Variants in ANKRD44 observed in about 807,000 individuals in gnomAD.
ANKRD44 encodes ankyrin repeat domain 44, also known as serine/threonine-protein phosphatase 6 regulatory ankyrin repeat subunit B.
Under a neutral mutation model 116.0 loss-of-function variants are expected in ANKRD44, and 35 were observed. The ratio of observed to expected loss-of-function variants is 0.30; its 90% CI spans 0.23 to 0.40. The LOEUF (loss-of-function observed/expected upper bound fraction) is 0.40, where lower values mean the gene tolerates loss of function less well. Among genes scored for constraint, ANKRD44 ranks in the 10% least tolerant of loss-of-function variants. The pLI is 1.00. For missense variants in ANKRD44, 1,014 were observed against 1,242.6 expected, an observed-to-expected ratio of 0.82 and a Z score of 2.77; for synonymous variants, 435 against 461.8, an observed-to-expected ratio of 0.94 and a Z score of 0.74.
At chr2:197,090,178 T>C in intron 10 of ANKRD44, 146 bp from the exon 11 acceptor site, 1 of 608,720 alleles carries the variant, frequency 1.6e-6, no homozygotes, top group Non-Finnish European at 2.9e-6. Flanking sequence ...ATTCTTCCAT[T>C]CAATAAATAA....
intron 16 of ANKRD44, among the ~76,000 whole-genome samples, chr2:197,054,962 T>C (rs1254518647): frequency 6.6e-6 from 1 of 152,202 alleles, no homozygotes; most frequent in African/African-American, 2.4e-5. Flanking sequence ...CACTGGCCTG[T>C]AGCTGCTCAA....
intron 3 of ANKRD44, among the ~76,000 whole-genome samples, chr2:197,138,542 T>C (rs970574840): frequency 6.6e-6 from 1 of 152,276 alleles, no homozygotes; most frequent in Non-Finnish European, 1.5e-5. Context: ...TGTCAGGTGA[T>C]GGTCACAAAG....
chr2:197,151,186 C>G (rs2079640608), intron 2 of ANKRD44, among the ~76,000 whole-genome samples: 1 of 143,886 alleles, frequency 6.9e-6, no homozygotes, highest in African/African-American at 2.6e-5. Flanking sequence ...GAAGAAGAAA[C>G]AAAACCTAGC....
At chr2:197,130,155 C>A (rs1056583370) in intron 4 of ANKRD44, among the ~76,000 whole-genome samples, 1 of 152,176 alleles carries the variant, frequency 6.6e-6, no homozygotes, top group Non-Finnish European at 1.5e-5. Flanking sequence ...GTAATCATAG[C>A]AATTTCATAT....
chr2:197,226,439 G>A (rs2081716280), intron 1 of ANKRD44, among the ~76,000 whole-genome samples: 1 of 152,166 alleles, frequency 6.6e-6, no homozygotes, highest in African/African-American at 2.4e-5. Context: ...ACTGAGGCGG[G>A]TGGATCATGA....
chr2:197,182,058 G>A (rs1456019024), intron 2 of ANKRD44, among the ~76,000 whole-genome samples: 1 of 152,070 alleles, frequency 6.6e-6, no homozygotes, highest in Non-Finnish European at 1.5e-5. Context: ...ACATCACATT[G>A]TCATAACATA....
rs547028406 is a variant in ANKRD44 at position 196,990,686 on chromosome 2, C to A, written c.2924-1037G>T. On this transcript the variant is annotated intron_variant, in intron 27 of 27. Transcript: ENST00000282272. The stretch of plus-strand genomic sequence containing the variant: ...AAGCTTCTACAGTCCAAAGTCAAAA[C>A]GTTTCCGAATCAGAATCATTTTCAT... 11 of 1,232,186 alleles carry A rather than the reference C, an allele frequency of 8.9e-6. No homozygotes were observed. In the African/African-American group the frequency reaches 1.2e-4, roughly 14 times the overall value. 76.3% of individuals were successfully genotyped at this position (1,232,186 alleles called of 1,614,324 possible). A position where few individuals can be genotyped will look rare whatever the true frequency, so the allele number is the denominator to read the frequency against.
chr2:197,010,491 C>G (rs902099264), intron 18 of ANKRD44, among the ~76,000 whole-genome samples: 3 of 152,172 alleles, frequency 2.0e-5, no homozygotes, highest in Non-Finnish European at 4.4e-5. Context: ...AGGCCTGGAC[C>G]GGCTGGGGCG....
chr2:197,142,886 T>C (rs2079401384), intron 3 of ANKRD44, among the ~76,000 whole-genome samples: 1 of 151,226 alleles, frequency 6.6e-6, no homozygotes, highest in Non-Finnish European at 1.5e-5. Flanking sequence ...ATGCCTGTAA[T>C]CCCAGCACTT....
intron 18 of ANKRD44, among the ~76,000 whole-genome samples, chr2:197,010,572 G>T (rs1460415161): frequency 1.3e-5 from 2 of 152,188 alleles, no homozygotes; most frequent in Admixed American, 6.5e-5. Context: ...TCCCACAGGG[G>T]CTGGGAAGCA....
At chr2:197,029,013 G>A (rs945745658) in intron 16 of ANKRD44, 2 of 155,796 alleles carry the variant, frequency 1.3e-5, no homozygotes, top group Non-Finnish European at 2.8e-5. Context: ...AAGTTCTAGG[G>A]TACATGTGCA....
chr2:196,982,317 C>T (rs1008484116), downstream of ANKRD44, among the ~76,000 whole-genome samples: 20 of 151,776 alleles, frequency 1.3e-4, no homozygotes, highest in Non-Finnish European at 2.5e-4. Context: ...AGTTAATTGG[C>T]GATAGCAGAG....
intron 1 of ANKRD44, among the ~76,000 whole-genome samples, chr2:197,273,978 AAAATATATATAT>A (rs2082985732): frequency 2.0e-5 from 1 of 49,726 alleles, no homozygotes; most frequent in African/African-American, 8.0e-5. Flanking sequence ...AAAAAAAAAA[AAAATATATATAT>A]ATATATATAT....
intron 21 of ANKRD44, among the ~76,000 whole-genome samples, chr2:197,004,533 C>CTAT (rs1161271433): frequency 6.6e-6 from 1 of 152,058 alleles, no homozygotes; most frequent in Non-Finnish European, 1.5e-5. Flanking sequence ...AGCCAGGGTA[C>CTAT]TATTAGATAG....
Position 196,995,410 on chromosome 2 carries a change from G to A in ANKRD44, c.2800C>T (p.Leu934Phe). ...LILDKIQDES[L>F]INEKNNALQT... ...AGTGCATTATTTTTTTCATTAATAAGGCTCTCGTCTTGTATCTTGTCAAGT... is the reference window on the plus strand; with the variant it reads ...AGTGCATTATTTTTTTCATTAATAAAGCTCTCGTCTTGTATCTTGTCAAGT... Residue 934 changes from leucine (L) to phenylalanine (F), a missense_variant, in exon 26 of 28, where the codon CTT (leucine) becomes TTT (phenylalanine). Transcript: ENST00000282272. 6.2e-7 allele frequency: 1 copy of A among 1,611,912 alleles called. No individual in the cohort carries two copies. The highest frequency in any genetic ancestry group is 8.5e-7 in the Non-Finnish European group (1 of 1,179,042).
intron 1 of ANKRD44, among the ~76,000 whole-genome samples, chr2:197,264,243 C>T (rs1402749691): frequency 6.6e-6 from 1 of 152,166 alleles, no homozygotes; most frequent in African/African-American, 2.4e-5. Context: ...TAAAAGAAAA[C>T]TTTATCCCCA....
intron 1 of ANKRD44, among the ~76,000 whole-genome samples, chr2:197,255,028 T>C (rs1221534698): frequency 7.9e-5 from 12 of 152,208 alleles, no homozygotes; most frequent in African/African-American, 1.2e-4. Context: ...AGAGAAGTAT[T>C]CAGCTCAGGG....
intron 1 of ANKRD44, 80 bp from the exon 2 acceptor site, chr2:197,187,186 G>T (rs1559134320): frequency 4.2e-6 from 6 of 1,414,220 alleles, no homozygotes; most frequent in Non-Finnish European, 6.0e-6. Context: ...GAGAAGATTT[G>T]TTCCTTAAAA....
intron 1 of ANKRD44, among the ~76,000 whole-genome samples, chr2:197,207,125 A>T (rs1469282369): frequency 1.3e-5 from 2 of 152,224 alleles, no homozygotes; most frequent in Non-Finnish European, 2.9e-5. Context: ...GGCATTTGAG[A>T]TTGTTGCTAG....
Sources: gnomAD v4.1 joint callset for allele counts (sites outside exome capture counted in the v4.1 genomes callset) on GRCh38, gnomAD v4.1.1 for gene constraint, MANE v1.5 for transcripts, NCBI Gene and HGNC (gene_info 2026-07-23, HGNC 2026-07-21) for gene names.